STX1B: variants seen among roughly 807,000 people sequenced by gnomAD.
The protein encoded by STX1B is syntaxin 1B, also known as syntaxin-1B.
In STX1B, 7 loss-of-function variants were observed where a neutral mutation model predicts 39.4. That is an observed-to-expected ratio of 0.18 (90% confidence interval 0.10 to 0.33). The LOEUF is 0.33. STX1B is among the 10% of genes least tolerant of loss of function. The pLI is 1.00. For synonymous variants in STX1B, 136 were observed against 144.1 expected (o/e 0.94, Z 0.40); for missense variants, 198 against 383.2 (o/e 0.52, Z 4.04).
Position 31,001,550 on chromosome 16 carries a change from G to A in STX1B, c.84C>T (p.Phe28=). ...TTACCTGTTCAAAGAACTCATCCATGAAGTGGTCCCGATCCACGTGGACCA... is the reference window on the plus strand; with the variant it reads ...TTACCTGTTCAAAGAACTCATCCATAAAGTGGTCCCGATCCACGTGGACCA... The part of the protein sequence containing the change: ...EEVVHVDRDH[F]MDEFFEQVEE... The change falls in exon 2 of 10, where the codon TTC becomes TTT. Residue 28 remains phenylalanine (F), a synonymous_variant. Coordinates refer to ENST00000215095, the MANE Select transcript of STX1B (RefSeq NM_052874.5). This position sits in a 1 kb window ranked among gnomAD's most constrained non-coding sequence, Gnocchi z 5.5. 6.2e-7 allele frequency: 1 copy of A among 1,612,812 alleles called. No individual in the cohort carries two copies. The highest frequency in any genetic ancestry group is 8.5e-7 in the Non-Finnish European group (1 of 1,179,778).
In STX1B at chr16:30,991,771, G is replaced by A. The variant is rs1284977549; in HGVS notation, c.*1050C>T. The A allele has an allele frequency of 2.0e-5, 3 of 152,236 alleles. No individual in the cohort carries two copies. The highest frequency in any genetic ancestry group is 7.2e-5 in the African/African-American group (3 of 41,406). The allele number at this position is 152,236 out of a possible 1,614,324, so 9.4% of individuals were successfully genotyped here. The stretch of plus-strand genomic sequence containing the variant: ...TAGTCCCAGCTACTTGGGAGGCTGA[G>A]GCATGAGAATCGCTTGCGTCAGGGA... On this transcript the variant is annotated 3_prime_UTR_variant, in exon 10 of 10. Transcript: ENST00000215095.
rs575041259 is a variant in STX1B, at chr16:31,010,493, G to A, written c.-97C>T. The stretch of plus-strand genomic sequence containing the variant: ...CCGGAGGCCGGGGTCTGGGGGCGCC[G>A]GGGGGCGCCGCGGCCGCTGCGGGGG... On this transcript the variant is annotated 5_prime_UTR_variant, in exon 1 of 10. Coordinates refer to ENST00000215095, the MANE Select transcript of STX1B (RefSeq NM_052874.5). 5.7e-3 allele frequency: 5,285 copies of A among 927,778 alleles called. 38 individuals are homozygous for A. The highest frequency in any genetic ancestry group is 0.017 in the Middle Eastern group (51 of 2,982). The allele number at this position is 927,778 out of a possible 1,614,324, so 57.5% of individuals were successfully genotyped here. A position where few individuals can be genotyped will look rare whatever the true frequency, so the allele number is the denominator to read the frequency against.
intron 1 of STX1B, among the ~76,000 whole-genome samples, chr16:31,003,274 C>T (rs1473825178): frequency 6.6e-6 from 1 of 152,214 alleles, no homozygotes; most frequent in African/African-American, 2.4e-5. Flanking sequence ...CAACCATCCG[C>T]CTGGAAAGGG....
intron 5 of STX1B, 64 bp downstream of exon 5, chr16:30,997,438 C>A (rs935095705): frequency 2.1e-6 from 3 of 1,456,034 alleles, no homozygotes; most frequent in Non-Finnish European, 2.8e-6. Context: ...GCCCGCCGGC[C>A]TCCAGCCTGG....
At chr16:31,003,517 G>A (rs2056641950) in intron 1 of STX1B, among the ~76,000 whole-genome samples, 2 of 152,104 alleles carry the variant, frequency 1.3e-5, no homozygotes, top group African/African-American at 2.4e-5. Flanking sequence ...CACTCACTCA[G>A]CCACCAGCCT....
At chr16:30,997,180 C>A in intron 5 of STX1B, 121 bp from the exon 6 acceptor site, 1 of 709,248 alleles carries the variant, frequency 1.4e-6, no homozygotes, top group Non-Finnish European at 2.5e-6. Flanking sequence ...GGAGGAAGCG[C>A]TGAATTAGTT....
In STX1B at chr16:31,001,290, G is replaced by T; in HGVS notation, c.106-97C>A. On this transcript the variant is annotated intron_variant, in intron 2 of 9. Coordinates refer to ENST00000215095, the MANE Select transcript of STX1B (RefSeq NM_052874.5). This position sits in a 1 kb window ranked among gnomAD's most constrained non-coding sequence, Gnocchi z 5.5. ...GGTTCAGGGGAATGGACCAGCCCCAGAACGGCTGATAAAAGGCCAGGGAGG... is the reference window on the plus strand; with the variant it reads ...GGTTCAGGGGAATGGACCAGCCCCATAACGGCTGATAAAAGGCCAGGGAGG... 1 of 1,241,314 alleles carries T rather than the reference G, an allele frequency of 8.1e-7. No individual in the cohort carries two copies. The highest frequency in any genetic ancestry group is 1.2e-6 in the Non-Finnish European group (1 of 864,264). 76.9% of individuals were successfully genotyped at this position (1,241,314 alleles called of 1,614,324 possible).
In STX1B at chr16:30,991,512, G is replaced by A. The variant is rs59449462; in HGVS notation, c.*1309C>T. ...TCCTTAGAAGTGTGTGTGCACGCAC[G>A]TGTGTGTGTGTGTGTGTAATACGCA... On this transcript the variant is annotated 3_prime_UTR_variant, in exon 10 of 10. Coordinates refer to ENST00000215095, the MANE Select transcript of STX1B (RefSeq NM_052874.5). The A allele has an allele frequency of 0.026, 94 of 3,560 alleles. 1 individual carries two copies. The South Asian group carries it at 0.39, about 15-fold the overall frequency. 0.2% of individuals were successfully genotyped at this position (3,560 alleles called of 1,614,324 possible).
chr16:30,994,276 A>G (rs2056579462), intron 7 of STX1B, among the ~76,000 whole-genome samples: 2 of 126,322 alleles, frequency 1.6e-5, no homozygotes, highest in African/African-American at 3.1e-5. Context: ...TGAGCCACAG[A>G]GCGAGACTCC....
intron 4 of STX1B, among the ~76,000 whole-genome samples, chr16:30,997,944 G>C (rs917715422): frequency 1.3e-5 from 2 of 152,192 alleles, no homozygotes; most frequent in African/African-American, 4.8e-5. Flanking sequence ...CATGTATGTG[G>C]GGTGCTCCCT....
At chr16:31,003,955 C>T (rs910953081) in intron 1 of STX1B, among the ~76,000 whole-genome samples, 12 of 152,326 alleles carry the variant, frequency 7.9e-5, no homozygotes, top group Admixed American at 7.2e-4. Flanking sequence ...CCCAAGGGCA[C>T]CCAGGCCACA....
rs1277992469 is a variant in STX1B, at chr16:30,989,701, A to C, written c.*3120T>G. The C allele has an allele frequency of 6.6e-6, 1 of 152,392 alleles. No individual in the cohort carries two copies. Among genetic ancestry groups the C allele is most frequent in the Non-Finnish European group, 1.5e-5 (1 of 68,222 alleles). The allele number at this position is 152,392 out of a possible 1,614,324, so 9.4% of individuals were successfully genotyped here. ...CGGGGCCACCCATCTTGTCCTCTGC[A>C]GGGCGGGCTGGGGGGCAGGGTGAAT... is the stretch of plus-strand genomic sequence containing the variant. On this transcript the variant is annotated 3_prime_UTR_variant, in exon 10 of 10. Coordinates refer to ENST00000215095, the MANE Select transcript of STX1B (RefSeq NM_052874.5).
chr16:30,993,800 C>T (rs527601419), intron 7 of STX1B, among the ~76,000 whole-genome samples: 12 of 152,268 alleles, frequency 7.9e-5, no homozygotes, highest in African/African-American at 2.9e-4. Context: ...GCCTGGCCAA[C>T]ATGGCGAAAC....
Position 30,989,551 on chromosome 16 carries a change from CAG to C in STX1B, c.*3268_*3269del, listed in dbSNP as rs1228089834. On this transcript the variant is annotated 3_prime_UTR_variant, in exon 10 of 10. Coordinates refer to ENST00000215095, the MANE Select transcript of STX1B (RefSeq NM_052874.5). The stretch of plus-strand genomic sequence containing the variant: ...AGAGCTCTAGAAACCAACGGAGAAA[CAG>C]AGAAGGGGGCAGGGGCTCATGTCAG... The C allele has an allele frequency of 6.6e-6, 1 of 152,332 alleles. No individual in the cohort carries two copies. Among genetic ancestry groups the C allele is most frequent in the Non-Finnish European group, 1.5e-5 (1 of 68,146 alleles). 9.4% of individuals were successfully genotyped at this position (152,332 alleles called of 1,614,324 possible).
In STX1B at chr16:31,010,606, C is replaced by T. The variant is rs2143691966; in HGVS notation, c.-210G>A. On this transcript the variant is annotated 5_prime_UTR_variant, in exon 1 of 10. Transcript: ENST00000215095. ...GGCCGGGCTCGGCTCTGCCGGGCTGCGGTGGCGATGCGGCTGCGGCACAGG... is the reference window on the plus strand; with the variant it reads ...GGCCGGGCTCGGCTCTGCCGGGCTGTGGTGGCGATGCGGCTGCGGCACAGG... 1.4e-5 allele frequency: 2 copies of T among 146,528 alleles called. No homozygotes were observed. The highest frequency in any genetic ancestry group is 2.0e-4 in the South Asian group (1 of 4,946). The allele number at this position is 146,528 out of a possible 1,614,324, so 9.1% of individuals were successfully genotyped here. A position where few individuals can be genotyped will look rare whatever the true frequency, so the allele number is the denominator to read the frequency against.
Position 31,001,166 on chromosome 16 carries a change from T to C in STX1B, c.133A>G (p.Lys45Glu), listed in dbSNP as rs1028846760. Reference protein sequence around the residue: ...QVEEIRGCIEKLSEDVEQVKK... With the variant: ...QVEEIRGCIEELSEDVEQVKK... ...ACCTGCTCCACATCCTCCGACAGTTTCTCAATGCAGCCCCGGATCTCTTCC... is the reference window on the plus strand; with the variant it reads ...ACCTGCTCCACATCCTCCGACAGTTCCTCAATGCAGCCCCGGATCTCTTCC... Residue 45 changes from lysine to glutamate, a missense_variant, in exon 3 of 10, where the codon AAA becomes GAA. By Grantham distance (56) the Lys-to-Glu change is moderately conservative. Coordinates refer to ENST00000215095, the MANE Select transcript of STX1B (RefSeq NM_052874.5). This position sits in a 1 kb window ranked among gnomAD's most constrained non-coding sequence, Gnocchi z 5.5. 6.2e-7 allele frequency: 1 copy of C among 1,613,994 alleles called. No individual in the cohort carries two copies. The highest frequency in any genetic ancestry group is 8.5e-7 in the Non-Finnish European group (1 of 1,180,028).
At chr16:30,999,758 C>G (rs908228650) in intron 4 of STX1B, among the ~76,000 whole-genome samples, 1 of 152,184 alleles carries the variant, frequency 6.6e-6, no homozygotes, top group Admixed American at 6.5e-5. Context: ...TTAATGAAAT[C>G]GAAGCCACTC....
At chr16:31,003,074 C>T (rs1596720710) in intron 1 of STX1B, among the ~76,000 whole-genome samples, 1 of 152,140 alleles carries the variant, frequency 6.6e-6, no homozygotes, top group Non-Finnish European at 1.5e-5. Flanking sequence ...AACTCAGGAT[C>T]AGCAGTGCCC....
intron 4 of STX1B, among the ~76,000 whole-genome samples, chr16:31,000,580 C>T (rs1010298178): frequency 6.6e-6 from 1 of 151,890 alleles, no homozygotes; most frequent in African/African-American, 2.4e-5. Flanking sequence ...GTAACCTCCA[C>T]CTCCCGGGTT....
Sources: gnomAD v4.1 joint callset for allele counts (sites outside exome capture counted in the v4.1 genomes callset) on GRCh38, gnomAD v4.1.1 for gene constraint, Gnocchi (gnomAD v3.1) non-coding constraint, MANE v1.5 for transcripts, NCBI Gene and HGNC (gene_info 2026-07-23, HGNC 2026-07-21) for gene names.